GRID2: variants seen among roughly 807,000 people sequenced by gnomAD.
GRID2 encodes the protein glutamate ionotropic receptor delta type subunit 2, also known as glutamate receptor ionotropic, delta-2.
In GRID2, 33 loss-of-function variants were observed where a neutral mutation model predicts 114.8. The ratio of observed to expected loss-of-function variants is 0.29; its 90% CI spans 0.22 to 0.38. The LOEUF (loss-of-function observed/expected upper bound fraction) is 0.38. GRID2 is among the 10% of genes least tolerant of loss of function. The probability of loss-of-function intolerance (pLI) is 1.00; values close to 1 mark genes in which losing one functional copy is unlikely to be tolerated. For missense variants in GRID2, 1,184 were observed against 1,257.7 expected (o/e 0.94, Z 0.89); for synonymous variants, 505 against 449.9 (o/e 1.12, Z -1.55).
rs376192330 is a variant in GRID2 at position 93,096,380 on chromosome 4, A to T, written c.529+11101A>T. 4.6e-5 allele frequency among the ~76,000 whole-genome samples: 7 copies of T among 152,134 alleles called. No homozygotes were observed. The South Asian group carries it at 1.4e-3, about 31-fold the overall frequency. ...ATTAAAACGTTCTGCTCATTAACAT[A>T]CAACATTAAGAAATAGACAAACTAT... On this transcript the variant is annotated intron_variant, in intron 3 of 15. Coordinates refer to ENST00000282020, the MANE Select transcript of GRID2 (RefSeq NM_001510.4).
chr4:92,566,491 A>T (rs548372515), intron 1 of GRID2, among the ~76,000 whole-genome samples: 1 of 152,130 alleles, frequency 6.6e-6, no homozygotes, highest in Non-Finnish European at 1.5e-5. Flanking sequence ...TTCTCCTGTC[A>T]ACAGCTGGCA....
At chr4:92,708,768 C>T (rs1441520015) in intron 2 of GRID2, among the ~76,000 whole-genome samples, 3 of 152,048 alleles carry the variant, frequency 2.0e-5, no homozygotes, top group African/African-American at 4.8e-5. Context: ...TTCTACTAAA[C>T]GCAAAAAATT....
At chr4:92,671,663 G>C (rs1241917458) in intron 2 of GRID2, among the ~76,000 whole-genome samples, 1 of 152,028 alleles carries the variant, frequency 6.6e-6, no homozygotes. Context: ...GTTAATTGTT[G>C]GAAGTGTTGC....
intron 1 of GRID2, among the ~76,000 whole-genome samples, chr4:92,309,574 A>G (rs1485204561): frequency 6.6e-6 from 1 of 151,820 alleles, no homozygotes; most frequent in African/African-American, 2.4e-5. Context: ...AAAATCTCAG[A>G]AAAAAATGTC....
intron 2 of GRID2, among the ~76,000 whole-genome samples, chr4:92,923,204 G>A (rs959053779): frequency 6.6e-6 from 1 of 152,074 alleles, no homozygotes; most frequent in African/African-American, 2.4e-5. Context: ...GTTTTGAAAG[G>A]ATAACTGTCA....
chr4:93,543,740 G>A (rs1376009059), intron 13 of GRID2, among the ~76,000 whole-genome samples: 1 of 151,206 alleles, frequency 6.6e-6, no homozygotes, highest in East Asian at 1.9e-4. Context: ...GAGAGAGAGA[G>A]AGAGAGAAGC....
chr4:93,346,178 C>T (rs1285417468), intron 8 of GRID2, among the ~76,000 whole-genome samples: 1 of 151,946 alleles, frequency 6.6e-6, no homozygotes, highest in East Asian at 1.9e-4. Flanking sequence ...CTGTAGTTAC[C>T]TTGAATTAAA....
intron 2 of GRID2, among the ~76,000 whole-genome samples, chr4:92,881,850 A>C (rs1323624520): frequency 6.6e-6 from 1 of 152,222 alleles, no homozygotes; most frequent in Non-Finnish European, 1.5e-5. Flanking sequence ...GTGTAGGATC[A>C]TAAGCAATAC....
chr4:92,644,447 T>A (rs775809545), intron 2 of GRID2, among the ~76,000 whole-genome samples: 3 of 151,754 alleles, frequency 2.0e-5, no homozygotes, highest in Admixed American at 6.6e-5. Context: ...AAGTAAATAG[T>A]TGTCAGGCTG....
intron 2 of GRID2, among the ~76,000 whole-genome samples, chr4:92,954,486 G>C (rs1752247762): frequency 1.3e-5 from 2 of 151,940 alleles, no homozygotes; most frequent in Middle Eastern, 3.4e-3. Flanking sequence ...GAGTGCAGTG[G>C]AGCGATCTCG....
intron 13 of GRID2, among the ~76,000 whole-genome samples, chr4:93,566,476 C>G (rs1339790230): frequency 6.6e-6 from 1 of 152,062 alleles, no homozygotes; most frequent in African/African-American, 2.4e-5. Flanking sequence ...CAAAACTCAT[C>G]AAGTTGAGGC....
At chr4:93,187,958 A>G (rs1579233940) in intron 4 of GRID2, among the ~76,000 whole-genome samples, 1 of 152,224 alleles carries the variant, frequency 6.6e-6, no homozygotes, top group African/African-American at 2.4e-5. Flanking sequence ...AGCCCTGCCC[A>G]CATGGGTTTG....
At chr4:93,385,070 T>C (rs1307285059) in intron 8 of GRID2, among the ~76,000 whole-genome samples, 2 of 152,186 alleles carry the variant, frequency 1.3e-5, no homozygotes, top group Non-Finnish European at 2.9e-5. Flanking sequence ...ATAAAAATAC[T>C]CAGAGGCATA....
chr4:92,652,478 G>C (rs1731990571), intron 2 of GRID2, among the ~76,000 whole-genome samples: 1 of 151,558 alleles, frequency 6.6e-6, no homozygotes, highest in Admixed American at 6.6e-5. Context: ...AGGAGTTTGA[G>C]GCTTGCCTGG....
intron 2 of GRID2, among the ~76,000 whole-genome samples, chr4:92,857,003 G>T (rs530013882): frequency 2.6e-5 from 4 of 152,200 alleles, no homozygotes; most frequent in Admixed American, 2.6e-4. Flanking sequence ...ATGTTAAAGG[G>T]ATCTGTGATC....
chr4:92,710,362 G>T lies in GRID2; in HGVS notation c.244+120076G>T, dbSNP rs528385231. On this transcript the variant is annotated intron_variant, in intron 2 of 15. Coordinates refer to ENST00000282020, the MANE Select transcript of GRID2 (RefSeq NM_001510.4). Reference sequence around the variant, plus strand: ...ATCTTATTTTGATTATTTATAGTTTGTGGGTGCATTTAAAGATAACCAAAG... The same window carrying T: ...ATCTTATTTTGATTATTTATAGTTTTTGGGTGCATTTAAAGATAACCAAAG... Among the ~76,000 whole-genome samples the T allele has an allele frequency of 2.8e-3, 424 of 152,300 alleles. 1 individual carries two copies. Among genetic ancestry groups the T allele is most frequent in the African/African-American group, 9.7e-3 (404 of 41,562 alleles).
At chr4:93,547,488 C>T (rs982681526) in intron 13 of GRID2, among the ~76,000 whole-genome samples, 1 of 152,156 alleles carries the variant, frequency 6.6e-6, no homozygotes, top group African/African-American at 2.4e-5. Context: ...AGGACCATTC[C>T]TCTGAAATGT....
intron 14 of GRID2, among the ~76,000 whole-genome samples, chr4:93,651,181 T>C (rs11940525): frequency 0.46 from 69,249 of 152,002 alleles, 17,253 homozygotes; most frequent in African/African-American, 0.66. Context: ...ATATCTTTTG[T>C]CAACATTGAA....
At chr4:92,701,564 ACTTT>A (rs1373412190) in intron 2 of GRID2, among the ~76,000 whole-genome samples, 1 of 152,160 alleles carries the variant, frequency 6.6e-6, no homozygotes. Context: ...ATAAGGAAGA[ACTTT>A]TATTTGTTTT....
Sources: allele counts gnomAD v4.1 joint callset (sites outside exome capture counted in the v4.1 genomes callset), GRCh38; gene constraint gnomAD v4.1.1; transcripts MANE v1.5; gene names NCBI Gene and HGNC (gene_info 2026-07-23, HGNC 2026-07-21).